NTM: variants seen among roughly 807,000 people sequenced by gnomAD.
NTM encodes the protein neurotrimin, also known as IgLON family member 2.
NTM carries 13 observed loss-of-function variants against 42.1 expected under a neutral mutation model. The observed-to-expected ratio is 0.31, with a 90% CI of 0.20 to 0.49. The LOEUF is 0.49. Ranked by LOEUF, NTM falls within the 20% of genes least tolerant of loss-of-function variation. The pLI is 0.99. For synonymous variants in NTM, 187 were observed against 179.2 expected, an observed-to-expected ratio of 1.04 and a Z score of -0.35; for missense variants, 373 against 452.8, an observed-to-expected ratio of 0.82 and a Z score of 1.60.
In NTM at chr11:132,002,589, A is replaced by T. The variant is rs184724617; in HGVS notation, c.167+90941A>T. Among the ~76,000 whole-genome samples the T allele has an allele frequency of 6.6e-6, 1 of 152,218 alleles. No homozygotes were observed. The highest frequency in any genetic ancestry group is 1.9e-4 in the East Asian group (1 of 5,192). On this transcript the variant is annotated intron_variant, in intron 2 of 8. Coordinates refer to ENST00000683400, the MANE Select transcript of NTM (RefSeq NM_001352005.2). This position sits in a 1 kb window ranked among gnomAD's most constrained non-coding sequence, Gnocchi z 4.5. ...TTGGAGGCTTCTGGCCATTGCTTGA[A>T]TAACTTTCTGCCTCTAGTATCCCCA...
At chr11:131,706,866 A>G (rs1294899869) in intron 1 of NTM, among the ~76,000 whole-genome samples, 3 of 152,066 alleles carry the variant, frequency 2.0e-5, no homozygotes, top group Non-Finnish European at 4.4e-5. Context: ...TTTTTAACTG[A>G]CATAATAATT....
intron 1 of NTM, among the ~76,000 whole-genome samples, chr11:131,431,214 T>C (rs1356731774): frequency 6.6e-6 from 1 of 152,088 alleles, no homozygotes; most frequent in East Asian, 1.9e-4. Context: ...CATTCGGGTG[T>C]CTTGTGGGCA....
chr11:131,741,994 T>A (rs1363546782), intron 1 of NTM, among the ~76,000 whole-genome samples: 1 of 152,138 alleles, frequency 6.6e-6, no homozygotes, highest in Non-Finnish European at 1.5e-5. Flanking sequence ...AAATACCGCA[T>A]GTTTTCACGT....
At chr11:131,633,680 T>C (rs2063949238) in intron 1 of NTM, among the ~76,000 whole-genome samples, 2 of 113,058 alleles carry the variant, frequency 1.8e-5, no homozygotes, top group African/African-American at 3.7e-5. Context: ...TCTCCCTCCC[T>C]CTCTCTCTCT....
chr11:131,707,195 A>G (rs2076678241), intron 1 of NTM, among the ~76,000 whole-genome samples: 1 of 151,560 alleles, frequency 6.6e-6, no homozygotes, highest in Non-Finnish European at 1.5e-5. Flanking sequence ...CTACTATTCT[A>G]CTCTTTACAA....
intron 2 of NTM, among the ~76,000 whole-genome samples, chr11:132,059,123 C>T (rs2080196459): frequency 6.6e-6 from 1 of 152,244 alleles, no homozygotes; most frequent in South Asian, 2.1e-4. Context: ...CCTTGACCAT[C>T]CCTTCTTCCT....
intron 3 of NTM, among the ~76,000 whole-genome samples, chr11:132,161,324 T>G (rs1194515355): frequency 6.6e-6 from 1 of 151,670 alleles, no homozygotes; most frequent in Non-Finnish European, 1.5e-5. Flanking sequence ...TTTGCTATTT[T>G]CCACCTAGCT....
chr11:131,969,795 A>G (rs987607599), intron 2 of NTM, among the ~76,000 whole-genome samples: 3 of 152,168 alleles, frequency 2.0e-5, no homozygotes, highest in Non-Finnish European at 1.5e-5. Flanking sequence ...ATTTTAGTAT[A>G]AAGAAAGAGC....
intron 1 of NTM, among the ~76,000 whole-genome samples, chr11:131,477,000 C>T (rs1020380355): frequency 3.9e-5 from 6 of 152,064 alleles, no homozygotes; most frequent in Admixed American, 2.0e-4. Context: ...CCCCGCACCC[C>T]GTGTTTTAAC....
chr11:131,608,198 C>T (rs2061157681), intron 1 of NTM, among the ~76,000 whole-genome samples: 1 of 152,178 alleles, frequency 6.6e-6, no homozygotes, highest in Non-Finnish European at 1.5e-5. Context: ...TTTCCAGCTT[C>T]ATCCATGTCC....
intron 1 of NTM, among the ~76,000 whole-genome samples, chr11:131,401,522 T>C (rs1164162383): frequency 6.6e-6 from 1 of 151,908 alleles, no homozygotes; most frequent in African/African-American, 2.4e-5. Flanking sequence ...TGATACATAG[T>C]AGATACTCAG....
At chr11:132,166,174 G>T (rs1355400299) in intron 3 of NTM, among the ~76,000 whole-genome samples, 1 of 152,076 alleles carries the variant, frequency 6.6e-6, no homozygotes, top group Non-Finnish European at 1.5e-5. Context: ...CAGCAAAAGT[G>T]CCATATAATG....
intron 2 of NTM, among the ~76,000 whole-genome samples, chr11:131,951,624 C>T (rs1165281455): frequency 6.6e-6 from 1 of 152,002 alleles, no homozygotes; most frequent in African/African-American, 2.4e-5. Context: ...GAGTTCAAGA[C>T]CAGCCTGACC....
intron 2 of NTM, among the ~76,000 whole-genome samples, chr11:131,917,062 C>A (rs2056513541): frequency 1.3e-5 from 2 of 152,184 alleles, no homozygotes; most frequent in Non-Finnish European, 2.9e-5. Context: ...TTCTTCAGAA[C>A]AATCATCTCC....
intron 1 of NTM, among the ~76,000 whole-genome samples, chr11:131,892,923 C>G (rs562468362): frequency 1.3e-5 from 2 of 152,362 alleles, no homozygotes; most frequent in East Asian, 1.9e-4. Flanking sequence ...TCCCTGGGAA[C>G]AGCCTTGGCA....
chr11:132,034,271 A>G (rs1465531012), intron 2 of NTM, among the ~76,000 whole-genome samples: 4 of 152,168 alleles, frequency 2.6e-5, no homozygotes, highest in African/African-American at 9.7e-5. Context: ...AATGTAGACT[A>G]TCTGGTGCTC....
intron 1 of NTM, among the ~76,000 whole-genome samples, chr11:131,637,753 G>T (rs1278695404): frequency 6.6e-6 from 1 of 152,040 alleles, no homozygotes; most frequent in African/African-American, 2.4e-5. Context: ...TATTTTGCAT[G>T]AAATTTGATC....
At chr11:132,219,776 T>C (rs2084747053) in intron 4 of NTM, among the ~76,000 whole-genome samples, 1 of 152,174 alleles carries the variant, frequency 6.6e-6, no homozygotes. Context: ...ACACATAGTA[T>C]GTGTCCAATA....
intron 2 of NTM, among the ~76,000 whole-genome samples, chr11:132,141,752 G>A (rs1014510878): frequency 1.3e-5 from 2 of 152,352 alleles, no homozygotes; most frequent in African/African-American, 4.8e-5. Context: ...GGGGACTGTG[G>A]CTCGGTACTG....
Sources: gnomAD v4.1 joint callset for allele counts (sites outside exome capture counted in the v4.1 genomes callset) on GRCh38, gnomAD v4.1.1 for gene constraint, Gnocchi (gnomAD v3.1) non-coding constraint, MANE v1.5 for transcripts, NCBI Gene and HGNC (gene_info 2026-07-23, HGNC 2026-07-21) for gene names.